The following SMARCC1 variants were observed in gnomAD, a reference collection of about 807,000 sequenced individuals.
SMARCC1 encodes the protein SWI/SNF related BAF chromatin remodeling complex subunit C1, also known as SWI/SNF complex subunit SMARCC1.
SMARCC1 carries 43 observed loss-of-function variants against 147.4 expected under a neutral mutation model. The ratio of observed to expected loss-of-function variants is 0.29; its 90% CI spans 0.23 to 0.38. The LOEUF (loss-of-function observed/expected upper bound fraction) is 0.38, where lower values mean the gene tolerates loss of function less well. Among genes scored for constraint, SMARCC1 ranks in the 10% least tolerant of loss-of-function variants. SMARCC1 has a pLI of 1.00. For synonymous variants in SMARCC1, 495 were observed against 484.4 expected (o/e 1.02, Z -0.29); for missense variants, 1,119 against 1,381.1 (o/e 0.81, Z 3.01).
chr3:47,715,783 T>C (rs1173581856), intron 7 of SMARCC1, among the ~76,000 whole-genome samples: 4 of 152,298 alleles, frequency 2.6e-5, no homozygotes, highest in African/African-American at 9.6e-5. Context: ...CATGTTATAT[T>C]TGAGCCACAC....
chr3:47,632,807 C>T (rs937426839), intron 24 of SMARCC1, among the ~76,000 whole-genome samples: 1 of 152,094 alleles, frequency 6.6e-6, no homozygotes, highest in African/African-American at 2.4e-5. Context: ...GGGTTGAGAA[C>T]TAAGTAGGGT....
At chr3:47,727,883 G>A (rs546072648) in intron 6 of SMARCC1, among the ~76,000 whole-genome samples, 6 of 151,844 alleles carry the variant, frequency 4.0e-5, no homozygotes, top group East Asian at 2.0e-4. Flanking sequence ...GAGCCACAGC[G>A]CCAGGCCTTG....
intron 2 of SMARCC1, among the ~76,000 whole-genome samples, chr3:47,763,329 T>C (rs2034796775): frequency 6.7e-6 from 1 of 149,078 alleles, no homozygotes; most frequent in Non-Finnish European, 1.5e-5. Context: ...GTCAACACTT[T>C]CAGAGGACAA....
chr3:47,706,326 C>G (rs2033993916), intron 10 of SMARCC1, 83 bp downstream of exon 10: 1 of 1,313,406 alleles, frequency 7.6e-7, no homozygotes, highest in Non-Finnish European at 9.9e-7. Context: ...CCCACCTCAG[C>G]CTCCAAAAGT....
intron 15 of SMARCC1, among the ~76,000 whole-genome samples, chr3:47,678,802 G>T (rs1427550105): frequency 1.3e-5 from 2 of 152,194 alleles, no homozygotes; most frequent in Admixed American, 6.6e-5. Context: ...TAGCCACAGG[G>T]TTGGTAACTG....
chr3:47,759,097 T>C (rs576048546), intron 2 of SMARCC1, among the ~76,000 whole-genome samples: 9 of 151,806 alleles, frequency 5.9e-5, no homozygotes, highest in African/African-American at 2.2e-4. Context: ...ACTACAACCT[T>C]CGCCACCTGG....
chr3:47,612,235 C>T (rs2032574418), intron 25 of SMARCC1, among the ~76,000 whole-genome samples: 1 of 152,190 alleles, frequency 6.6e-6, no homozygotes, highest in Admixed American at 6.5e-5. Context: ...GGTGGGAAAT[C>T]TAAATATTCT....
intron 10 of SMARCC1, among the ~76,000 whole-genome samples, chr3:47,704,097 C>CTTTA (rs1017960944): frequency 2.0e-5 from 3 of 152,046 alleles, no homozygotes; most frequent in Non-Finnish European, 1.5e-5. Flanking sequence ...TGCACCCGGC[C>CTTTA]TTTATTTATT....
At chr3:47,734,977 A>G (rs1197293141) in intron 5 of SMARCC1, among the ~76,000 whole-genome samples, 2 of 152,084 alleles carry the variant, frequency 1.3e-5, no homozygotes, top group African/African-American at 2.4e-5. Context: ...GGATGGTCTC[A>G]ATCTCTTGAC....
chr3:47,730,045 G>A (rs767855093), intron 5 of SMARCC1, among the ~76,000 whole-genome samples: 2 of 152,142 alleles, frequency 1.3e-5, no homozygotes, highest in Non-Finnish European at 2.9e-5. Context: ...TGGGCGTGGT[G>A]GCACACGTCT....
chr3:47,730,259 G>T (rs559811045), intron 5 of SMARCC1, among the ~76,000 whole-genome samples: 1 of 152,178 alleles, frequency 6.6e-6, no homozygotes, highest in African/African-American at 2.4e-5. Flanking sequence ...AGGCTGAAGT[G>T]AAAGGATCAC....
intron 14 of SMARCC1, 112 bp downstream of exon 14, chr3:47,685,937 A>G (rs1267672365): frequency 1.2e-6 from 1 of 807,970 alleles, no homozygotes; most frequent in African/African-American, 1.7e-5. Flanking sequence ...CCCTTCATCC[A>G]AAGTGATAGT....
intron 26 of SMARCC1, among the ~76,000 whole-genome samples, chr3:47,599,349 C>A (rs1477762586): frequency 1.3e-5 from 2 of 152,212 alleles, no homozygotes; most frequent in African/African-American, 4.8e-5. Context: ...CACCACTGCA[C>A]TCCAGCCTGA....
At chr3:47,650,158 C>T (rs1576398835) in intron 21 of SMARCC1, among the ~76,000 whole-genome samples, 1 of 151,684 alleles carries the variant, frequency 6.6e-6, no homozygotes, top group Non-Finnish European at 1.5e-5. Context: ...CGCCTGTAGT[C>T]CCAGCTACTT....
At chr3:47,751,369 T>C (rs898535894) in intron 2 of SMARCC1, among the ~76,000 whole-genome samples, 11 of 151,698 alleles carry the variant, frequency 7.3e-5, no homozygotes, top group African/African-American at 2.7e-4. Context: ...GGGGAAACCC[T>C]GTCTCTACCA....
intron 21 of SMARCC1, among the ~76,000 whole-genome samples, chr3:47,659,760 A>AAGGGGGG (rs373959195): frequency 4.2e-5 from 2 of 47,780 alleles, no homozygotes; most frequent in African/African-American, 1.8e-4. Flanking sequence ...GAAAAAAAAA[A>AAGGGGGG]GGGGGGGGGG....
intron 2 of SMARCC1, 97 bp from the exon 3 acceptor site, chr3:47,746,090 A>C: frequency 1.4e-6 from 1 of 689,670 alleles, no homozygotes; most frequent in Non-Finnish European, 2.4e-6. Context: ...TATATAAACA[A>C]ATACTAATTA....
chr3:47,740,797 A>G (rs2034500357), intron 3 of SMARCC1, among the ~76,000 whole-genome samples: 2 of 151,330 alleles, frequency 1.3e-5, no homozygotes, highest in South Asian at 4.2e-4. Context: ...GCAGCTTTAC[A>G]GAGCAAACTA....
intron 10 of SMARCC1, 109 bp from the exon 11 acceptor site, chr3:47,701,511 T>C: frequency 9.2e-7 from 1 of 1,083,410 alleles, no homozygotes; most frequent in Non-Finnish European, 1.4e-6. Flanking sequence ...ATGCTCAAGA[T>C]CACTTTAAAA....
Sources: gnomAD v4.1 joint callset for allele counts (sites outside exome capture counted in the v4.1 genomes callset) on GRCh38, gnomAD v4.1.1 for gene constraint, MANE v1.5 for transcripts, NCBI Gene and HGNC (gene_info 2026-07-23, HGNC 2026-07-21) for gene names.